The following GEMIN5 variants were observed in gnomAD, a reference collection of about 807,000 sequenced individuals.
GEMIN5 encodes the protein gem nuclear organelle associated protein 5.
A neutral mutation model predicts 176.9 loss-of-function variants in GEMIN5; 124 were observed. That is an observed-to-expected ratio of 0.70 (90% CI 0.61 to 0.81). The LOEUF is 0.81. GEMIN5 is among the 40% of genes least tolerant of loss of function. The pLI, the probability that GEMIN5 is intolerant of heterozygous loss-of-function variation, is 0.00. For missense variants in GEMIN5, 1,843 were observed against 1,814.6 expected, an observed-to-expected ratio of 1.02 and a Z score of -0.28; for synonymous variants, 673 against 665.2, an observed-to-expected ratio of 1.01 and a Z score of -0.18.
At chr5:154,925,496 T>C (rs1253878697) in intron 8 of GEMIN5, among the ~76,000 whole-genome samples, 1 of 152,226 alleles carries the variant, frequency 6.6e-6, no homozygotes, top group East Asian at 1.9e-4. Flanking sequence ...ACATTTTTCA[T>C]AAATCATTTA....
At chr5:154,936,787 G>A (rs1764278119) in intron 2 of GEMIN5, among the ~76,000 whole-genome samples, 1 of 152,210 alleles carries the variant, frequency 6.6e-6, no homozygotes, top group Non-Finnish European at 1.5e-5. Flanking sequence ...AATTAGTGTG[G>A]TTGTATTCTA....
intron 24 of GEMIN5, 73 bp from the exon 25 acceptor site, chr5:154,892,622 C>CAAA (rs1763255499): frequency 2.1e-6 from 3 of 1,402,444 alleles, no homozygotes; most frequent in Admixed American, 2.1e-5. Context: ...CAAACTGTTC[C>CAAA]TGTGAACCGC....
intron 15 of GEMIN5, among the ~76,000 whole-genome samples, chr5:154,908,599 T>C (rs1452560063): frequency 1.3e-5 from 2 of 152,244 alleles, no homozygotes; most frequent in East Asian, 1.9e-4. Context: ...TTCCTTTGAC[T>C]TTCATAATCT....
chr5:154,924,396 T>C, intron 9 of GEMIN5, 73 bp downstream of exon 9: 1 of 801,954 alleles, frequency 1.2e-6, no homozygotes, highest in East Asian at 2.5e-5. Context: ...AAGTGAGGGA[T>C]TATTCTAGAG....
chr5:154,918,992 G>T (rs1402510139), intron 11 of GEMIN5, among the ~76,000 whole-genome samples: 1 of 152,164 alleles, frequency 6.6e-6, no homozygotes, highest in African/African-American at 2.4e-5. Flanking sequence ...AGTGAGCTGA[G>T]ATCGCACCAC....
intron 24 of GEMIN5, among the ~76,000 whole-genome samples, chr5:154,895,476 T>C (rs1395306792): frequency 6.6e-6 from 1 of 152,002 alleles, no homozygotes; most frequent in Non-Finnish European, 1.5e-5. Context: ...AAACAATACA[T>C]GTGGCACTGA....
chr5:154,892,519 G>C lies in GEMIN5; in HGVS notation c.3628C>G (p.Leu1210Val). The stretch of plus-strand genomic sequence containing the variant: ...GCCATCTGTTGGCTCAGCACTGCCA[G>C]GGTCAAGTCATGGCAAATGTGAAGC... ...LLLHICHDLT[L>V]AVLSQQMASW... Residue 1210 changes from leucine (L) to valine (V), a missense_variant, in exon 25 of 28, where the codon CTG (leucine) becomes GTG (valine). Leu to Val is a conservative substitution (Grantham distance 32, BLOSUM62 1). Transcript: ENST00000285873. 1 of 1,614,132 alleles carries C rather than the reference G, an allele frequency of 6.2e-7. No individual in the cohort carries two copies.
At chr5:154,936,559 T>C (rs1462866819) in intron 2 of GEMIN5, among the ~76,000 whole-genome samples, 1 of 152,240 alleles carries the variant, frequency 6.6e-6, no homozygotes, top group East Asian at 1.9e-4. Flanking sequence ...AAAGTTCTTA[T>C]TAAGTAGGTC....
chr5:154,907,125 T>G (rs928295993), intron 16 of GEMIN5, among the ~76,000 whole-genome samples: 1 of 152,214 alleles, frequency 6.6e-6, no homozygotes, highest in Non-Finnish European at 1.5e-5. Flanking sequence ...ACATTTTTTT[T>G]CTGTGAGAAG....
intron 3 of GEMIN5, 76 bp from the exon 4 acceptor site, chr5:154,932,326 A>G (rs1764186176): frequency 9.4e-7 from 1 of 1,065,294 alleles, no homozygotes; most frequent in East Asian, 2.5e-5. Flanking sequence ...TTTGGCTTGG[A>G]GTTACCATTG....
chr5:154,921,341 AC>A lies in GEMIN5; in HGVS notation c.1462+1del. On this transcript the variant is annotated splice_donor_variant, in intron 10 of 27. Transcript: ENST00000285873. LOFTEE classifies it high-confidence loss of function. ...TTGTTATGGAATTGTTCAGATACTTACCAAGTGACATGGGGGGTACTGGTGG... is the reference window on the plus strand; with the variant it reads ...TTGTTATGGAATTGTTCAGATACTTACAAGTGACATGGGGGGTACTGGTGG... 8.6e-7 allele frequency: 1 copy of A among 1,166,650 alleles called. No homozygotes were observed. Among genetic ancestry groups the A allele is most frequent in the Non-Finnish European group, 1.3e-6 (1 of 775,170 alleles). The allele number at this position is 1,166,650 out of a possible 1,614,324, so 72.3% of individuals were successfully genotyped here. A position where few individuals can be genotyped will look rare whatever the true frequency, so the allele number is the denominator to read the frequency against.
At chr5:154,905,716 T>TG (rs60625540) in intron 16 of GEMIN5, among the ~76,000 whole-genome samples, 2 of 151,724 alleles carry the variant, frequency 1.3e-5, no homozygotes, top group South Asian at 2.1e-4. Flanking sequence ...TTTTTTTTTT[T>TG]GAGACGAAGT....
intron 21 of GEMIN5, 133 bp downstream of exon 21, chr5:154,901,206 G>A: frequency 1.3e-6 from 1 of 799,826 alleles, no homozygotes; most frequent in South Asian, 1.9e-5. Flanking sequence ...TGCACCTCCT[G>A]AGTAGTCCCA....
At chr5:154,929,675 G>A (rs947930518) in intron 5 of GEMIN5, among the ~76,000 whole-genome samples, 5 of 152,208 alleles carry the variant, frequency 3.3e-5, no homozygotes, top group African/African-American at 1.2e-4. Flanking sequence ...CCCTCCTGGA[G>A]GGATCCTCAG....
chr5:154,907,368 T>C (rs1450300277), intron 16 of GEMIN5, among the ~76,000 whole-genome samples: 3 of 152,170 alleles, frequency 2.0e-5, no homozygotes, highest in African/African-American at 7.2e-5. Context: ...AAGTTTTCTC[T>C]GTAGAACTTT....
intron 15 of GEMIN5, among the ~76,000 whole-genome samples, chr5:154,908,846 T>C (rs1334524420): frequency 6.6e-6 from 1 of 152,226 alleles, no homozygotes; most frequent in African/African-American, 2.4e-5. Flanking sequence ...AAAAGGGTAT[T>C]TCCCCTGTTT....
chr5:154,889,706 G>T (rs546174812), intron 26 of GEMIN5, among the ~76,000 whole-genome samples: 1 of 152,148 alleles, frequency 6.6e-6, no homozygotes, highest in Admixed American at 6.5e-5. Flanking sequence ...TCTACTTTCT[G>T]TCTCTATAAA....
At chr5:154,924,771 C>T (rs6580122) in intron 8 of GEMIN5, among the ~76,000 whole-genome samples, 53,217 of 151,758 alleles carry the variant, frequency 0.35, 10,596 homozygotes, top group East Asian at 0.88. Flanking sequence ...GGGCGGATCA[C>T]GAGGTCAGGA....
intron 3 of GEMIN5, among the ~76,000 whole-genome samples, chr5:154,935,505 CAA>C (rs1178631793): frequency 6.6e-6 from 1 of 152,194 alleles, no homozygotes; most frequent in African/African-American, 2.4e-5. Context: ...AGAGACCCAG[CAA>C]AGTCATCTGA....
Sources: allele counts gnomAD v4.1 joint callset (sites outside exome capture counted in the v4.1 genomes callset), GRCh38; gene constraint gnomAD v4.1.1; transcripts MANE v1.5; gene names NCBI Gene and HGNC (gene_info 2026-07-23, HGNC 2026-07-21).